CCSER1: variants seen among roughly 807,000 people sequenced by gnomAD.
The protein encoded by CCSER1 is coiled-coil serine rich protein 1, also known as serine-rich coiled-coil domain-containing protein 1.
A neutral mutation model predicts 82.0 loss-of-function variants in CCSER1; 41 were observed. That is an observed-to-expected ratio of 0.50 (90% CI 0.39 to 0.65). CCSER1 has a LOEUF of 0.65. Among genes scored for constraint, CCSER1 ranks in the 30% least tolerant of loss-of-function variants. The pLI, the probability that CCSER1 is intolerant of heterozygous loss-of-function variation, is 0.00. For synonymous variants in CCSER1, 414 were observed against 383.9 expected (o/e 1.08, Z -0.92); for missense variants, 1,119 against 1,064.2 (o/e 1.05, Z -0.72).
chr4:90,427,680 A>C (rs1757712837), intron 4 of CCSER1, among the ~76,000 whole-genome samples: 1 of 151,718 alleles, frequency 6.6e-6, no homozygotes, highest in South Asian at 2.1e-4. Context: ...TAGCACCTCT[A>C]TGATCTTTAG....
intron 7 of CCSER1, among the ~76,000 whole-genome samples, chr4:90,810,888 A>G (rs1758190405): frequency 7.6e-6 from 1 of 131,158 alleles, no homozygotes; most frequent in African/African-American, 3.0e-5. Flanking sequence ...GCTGGAGTGC[A>G]GTGGCGCGAT....
At chr4:91,294,222 CA>C (rs1743986904) in intron 10 of CCSER1, among the ~76,000 whole-genome samples, 2 of 151,942 alleles carry the variant, frequency 1.3e-5, no homozygotes, top group East Asian at 3.9e-4. Context: ...AAATCATCAG[CA>C]ATATAGAAAT....
intron 10 of CCSER1, among the ~76,000 whole-genome samples, chr4:91,104,454 CTCTT>C (rs1221273610): frequency 5.3e-5 from 8 of 152,184 alleles, no homozygotes; most frequent in Non-Finnish European, 8.8e-5. Flanking sequence ...TGTACTATCT[CTCTT>C]TATTTCCCAG....
intron 4 of CCSER1, among the ~76,000 whole-genome samples, chr4:90,404,314 C>T (rs887524535): frequency 1.3e-5 from 2 of 152,080 alleles, no homozygotes; most frequent in Non-Finnish European, 1.5e-5. Context: ...CAGCAAGACC[C>T]GCTGCCCAAG....
At chr4:90,186,309 A>G (rs1236097373) in intron 1 of CCSER1, among the ~76,000 whole-genome samples, 1 of 152,002 alleles carries the variant, frequency 6.6e-6, no homozygotes, top group Admixed American at 6.6e-5. Context: ...CTGTGGGATA[A>G]GGTTAAATCA....
At chr4:90,545,771 TG>T (rs1209392543) in intron 5 of CCSER1, among the ~76,000 whole-genome samples, 2 of 152,190 alleles carry the variant, frequency 1.3e-5, no homozygotes, top group African/African-American at 4.8e-5. Flanking sequence ...AAAAGATTTT[TG>T]TAAAAGCTAG....
intron 10 of CCSER1, among the ~76,000 whole-genome samples, chr4:91,522,650 G>C (rs535159024): frequency 9.2e-5 from 14 of 152,088 alleles, no homozygotes; most frequent in Non-Finnish European, 2.1e-4. Context: ...GAATGGGAAT[G>C]CACTCATGAT....
chr4:91,091,007 A>G (rs994412462), intron 10 of CCSER1, among the ~76,000 whole-genome samples: 6 of 152,076 alleles, frequency 3.9e-5, no homozygotes, highest in African/African-American at 1.4e-4. Context: ...GCCAAACAGG[A>G]TCTTCTTCAT....
At chr4:91,078,297 G>A (rs1722252476) in intron 9 of CCSER1, among the ~76,000 whole-genome samples, 1 of 152,126 alleles carries the variant, frequency 6.6e-6, no homozygotes, top group African/African-American at 2.4e-5. Flanking sequence ...CTCCGCAGGT[G>A]ATACCCAGGC....
chr4:90,932,091 C>A (rs1266814518), intron 9 of CCSER1, among the ~76,000 whole-genome samples: 2 of 152,064 alleles, frequency 1.3e-5, no homozygotes, highest in African/African-American at 4.8e-5. Flanking sequence ...GTATCATTAA[C>A]CTTATGCTCT....
At chr4:91,192,210 T>A (rs1422077929) in intron 10 of CCSER1, among the ~76,000 whole-genome samples, 3 of 152,148 alleles carry the variant, frequency 2.0e-5, no homozygotes, top group Admixed American at 6.6e-5. Flanking sequence ...TTTCCCCCCA[T>A]GGACTTGCCT....
intron 7 of CCSER1, among the ~76,000 whole-genome samples, chr4:90,734,895 T>C (rs1745401439): frequency 6.6e-6 from 1 of 152,190 alleles, no homozygotes; most frequent in African/African-American, 2.4e-5. Flanking sequence ...CTTGTTTTGT[T>C]CCAAATCTTA....
chr4:90,720,301 TA>T (rs5860201), intron 6 of CCSER1, among the ~76,000 whole-genome samples: 61,040 of 149,938 alleles, frequency 0.41, 12,466 homozygotes, highest in East Asian at 0.5. Flanking sequence ...AAAAAAAAAT[TA>T]AAAAAAAACA....
At chr4:90,902,195 A>AT (rs1030172680) in intron 8 of CCSER1, among the ~76,000 whole-genome samples, 22 of 149,350 alleles carry the variant, frequency 1.5e-4, no homozygotes, top group African/African-American at 4.7e-4. Context: ...TATATCTTGC[A>AT]TTTTTTTTCT....
At chr4:90,228,015 T>A (rs1048488941) in intron 1 of CCSER1, among the ~76,000 whole-genome samples, 1 of 152,054 alleles carries the variant, frequency 6.6e-6, no homozygotes. Flanking sequence ...CAGTCTGAGA[T>A]CAAACTGCAA....
chr4:91,420,254 G>T (rs542651369), intron 10 of CCSER1, among the ~76,000 whole-genome samples: 14 of 151,972 alleles, frequency 9.2e-5, no homozygotes, highest in Non-Finnish European at 1.8e-4. Flanking sequence ...AAGTGAAAAT[G>T]CAACCTACAG....
chr4:90,388,472 G>A (rs1750435854), intron 3 of CCSER1, among the ~76,000 whole-genome samples: 1 of 151,968 alleles, frequency 6.6e-6, no homozygotes, highest in Non-Finnish European at 1.5e-5. Flanking sequence ...ACTGTGCCCG[G>A]CTAAATTTTG....
chr4:90,203,114 C>T (rs148220320), intron 1 of CCSER1, among the ~76,000 whole-genome samples: 1 of 152,302 alleles, frequency 6.6e-6, no homozygotes, highest in African/African-American at 2.4e-5. Flanking sequence ...TACATATTCA[C>T]AATGTAGACA....
At chr4:91,593,995 G>C (rs988992890) in intron 10 of CCSER1, among the ~76,000 whole-genome samples, 6 of 152,076 alleles carry the variant, frequency 3.9e-5, no homozygotes, top group Non-Finnish European at 1.5e-5. Flanking sequence ...TTATTATAAT[G>C]TGCACAGTCG....
Sources: gnomAD v4.1 joint callset for allele counts (sites outside exome capture counted in the v4.1 genomes callset) on GRCh38, gnomAD v4.1.1 for gene constraint, MANE v1.5 for transcripts, NCBI Gene and HGNC (gene_info 2026-07-23, HGNC 2026-07-21) for gene names.